Variants in P2RY14 observed in about 807,000 individuals in gnomAD.
The protein encoded by P2RY14 is P2Y purinoceptor 14.
P2RY14 carries 2 observed loss-of-function variants against 0.9 expected under a neutral mutation model. That is an observed-to-expected ratio of 2.16 (90% confidence interval 0.88 to 6.79). P2RY14 has a LOEUF of 6.79. Among genes scored for constraint, P2RY14 ranks in the 30% most tolerant of loss-of-function variants. The probability of loss-of-function intolerance (pLI) is 0.05; values close to 1 mark genes in which losing one functional copy is unlikely to be tolerated. For missense variants in P2RY14, 378 were observed against 400.1 expected, an observed-to-expected ratio of 0.94 and a Z score of 0.47; for synonymous variants, 158 against 147.2, an observed-to-expected ratio of 1.07 and a Z score of -0.53.
At chr3:151,226,815 C>G (rs1413778109) in intron 1 of P2RY14, among the ~76,000 whole-genome samples, 2 of 152,182 alleles carry the variant, frequency 1.3e-5, no homozygotes, top group Non-Finnish European at 2.9e-5. Context: ...GATTTTTTGA[C>G]TCAGTTTTCT....
intron 1 of P2RY14, among the ~76,000 whole-genome samples, chr3:151,222,611 T>C (rs1349540931): frequency 3.3e-5 from 5 of 152,236 alleles, no homozygotes; most frequent in South Asian, 2.1e-4. Flanking sequence ...TCCACCATGA[T>C]TGTGAAGCCT....
Position 151,213,205 on chromosome 3 carries a change from T to C in P2RY14, c.*95A>G. On this transcript the variant is annotated 3_prime_UTR_variant, in exon 3 of 3. Transcript: ENST00000309170. ...AATTGGATGGCAGTGCTAGAGATGATATTTATGATGAGGGCACATATCTTA... is the reference window on the plus strand; with the variant it reads ...AATTGGATGGCAGTGCTAGAGATGACATTTATGATGAGGGCACATATCTTA... 1 of 932,936 alleles carries C rather than the reference T, an allele frequency of 1.1e-6. No individual in the cohort carries two copies. The highest frequency in any genetic ancestry group is 1.6e-6 in the Non-Finnish European group (1 of 613,836). 57.8% of individuals were successfully genotyped at this position (932,936 alleles called of 1,614,324 possible). A position where few individuals can be genotyped will look rare whatever the true frequency, so the allele number is the denominator to read the frequency against.
chr3:151,244,789 G>C (rs1488450724), intron 1 of P2RY14, among the ~76,000 whole-genome samples: 2 of 152,166 alleles, frequency 1.3e-5, no homozygotes, highest in Admixed American at 6.5e-5. Flanking sequence ...CAAGGAAATA[G>C]AGTCACAAAA....
At chr3:151,262,376 G>A (rs1392795758) in intron 1 of P2RY14, among the ~76,000 whole-genome samples, 1 of 152,178 alleles carries the variant, frequency 6.6e-6, no homozygotes, top group Non-Finnish European at 1.5e-5. Context: ...GGAAGAATTT[G>A]CACACTGAGA....
chr3:151,216,737 T>G (rs541421598), intron 2 of P2RY14, among the ~76,000 whole-genome samples: 2 of 152,334 alleles, frequency 1.3e-5, no homozygotes, highest in Middle Eastern at 3.4e-3. Flanking sequence ...TTTGTAGGTC[T>G]TCTATCGCCT....
intron 1 of P2RY14, among the ~76,000 whole-genome samples, chr3:151,236,909 T>C (rs539975068): frequency 1.3e-5 from 2 of 152,292 alleles, no homozygotes; most frequent in South Asian, 4.1e-4. Flanking sequence ...GTTTTTGCCA[T>C]TGTGAGTCAT....
chr3:151,215,993 C>T (rs1482360126), intron 2 of P2RY14, among the ~76,000 whole-genome samples: 1 of 152,162 alleles, frequency 6.6e-6, no homozygotes, highest in Non-Finnish European at 1.5e-5. Flanking sequence ...TGTCACTTTC[C>T]TTAGGAAACC....
chr3:151,263,923 A>ATG (rs1739372952), intron 1 of P2RY14, among the ~76,000 whole-genome samples: 1 of 152,190 alleles, frequency 6.6e-6, no homozygotes, highest in Admixed American at 6.5e-5. Context: ...CCTTCAGTTA[A>ATG]TGTTAGGAAT....
At chr3:151,275,280 A>G (rs1241735326) in intron 1 of P2RY14, among the ~76,000 whole-genome samples, 2 of 152,064 alleles carry the variant, frequency 1.3e-5, no homozygotes, top group Non-Finnish European at 2.9e-5. Flanking sequence ...CAACTAACTG[A>G]TCTTTTCCTC....
intron 1 of P2RY14, among the ~76,000 whole-genome samples, chr3:151,246,157 G>T (rs1472484647): frequency 2.0e-5 from 3 of 152,160 alleles, no homozygotes; most frequent in African/African-American, 7.2e-5. Flanking sequence ...CATGCTCATG[G>T]GTAGGAAGAA....
At chr3:151,234,946 C>T (rs913561625) in intron 1 of P2RY14, among the ~76,000 whole-genome samples, 1 of 152,206 alleles carries the variant, frequency 6.6e-6, no homozygotes, top group African/African-American at 2.4e-5. Context: ...TTCCAGCGAA[C>T]TTTCTTCTAT....
chr3:151,226,939 A>G (rs1032744852), intron 1 of P2RY14, among the ~76,000 whole-genome samples: 2 of 152,246 alleles, frequency 1.3e-5, no homozygotes, highest in Non-Finnish European at 2.9e-5. Flanking sequence ...GGAGAAACCC[A>G]GATCTGCTGC....
chr3:151,257,047 C>T (rs537469497), intron 1 of P2RY14, among the ~76,000 whole-genome samples: 8 of 151,880 alleles, frequency 5.3e-5, no homozygotes, highest in South Asian at 2.1e-4. Flanking sequence ...AAAAGCAGCA[C>T]GATACAGCTG....
At chr3:151,226,424 G>T (rs571603074) in intron 1 of P2RY14, among the ~76,000 whole-genome samples, 3 of 152,270 alleles carry the variant, frequency 2.0e-5, no homozygotes, top group Admixed American at 2.0e-4. Flanking sequence ...GCTTAAAATG[G>T]TTAAGTGATT....
chr3:151,276,913 T>G (rs1266991343), intron 1 of P2RY14, among the ~76,000 whole-genome samples: 1 of 152,168 alleles, frequency 6.6e-6, no homozygotes, highest in Admixed American at 6.5e-5. Context: ...GTTTTTGTTT[T>G]TGAGACAGGG....
chr3:151,227,736 C>T (rs1188728859), intron 1 of P2RY14, among the ~76,000 whole-genome samples: 4 of 152,218 alleles, frequency 2.6e-5, no homozygotes, highest in Admixed American at 1.3e-4. Context: ...ACTCTAGGGA[C>T]TGCATCTTGG....
chr3:151,271,236 A>C (rs1740888478), intron 1 of P2RY14, among the ~76,000 whole-genome samples: 1 of 152,228 alleles, frequency 6.6e-6, no homozygotes, highest in African/African-American at 2.4e-5. Flanking sequence ...TCACAAAGGA[A>C]GCTGTTTGGT....
chr3:151,213,204 A>G lies in P2RY14; in HGVS notation c.*96T>C. ...AAATTGGATGGCAGTGCTAGAGATG[A>G]TATTTATGATGAGGGCACATATCTT... On this transcript the variant is annotated 3_prime_UTR_variant, in exon 3 of 3. Coordinates refer to ENST00000309170, the MANE Select transcript of P2RY14 (RefSeq NM_014879.4). The G allele has an allele frequency of 1.1e-6, 1 of 921,926 alleles. No individual in the cohort carries two copies. Among genetic ancestry groups the G allele is most frequent in the East Asian group, 2.5e-5 (1 of 40,812 alleles). The allele number at this position is 921,926 out of a possible 1,614,324, so 57.1% of individuals were successfully genotyped here.
At chr3:151,225,195 C>T (rs541393650) in intron 1 of P2RY14, among the ~76,000 whole-genome samples, 5 of 152,286 alleles carry the variant, frequency 3.3e-5, no homozygotes, top group African/African-American at 9.6e-5. Flanking sequence ...AGGGTGCCCT[C>T]GACTTCACAG....
Sources: gnomAD v4.1 joint callset for allele counts (sites outside exome capture counted in the v4.1 genomes callset) on GRCh38, gnomAD v4.1.1 for gene constraint, MANE v1.5 for transcripts, NCBI Gene and HGNC (gene_info 2026-07-23, HGNC 2026-07-21) for gene names.